The following TFAP2B variants were observed in gnomAD, a reference collection of about 807,000 sequenced individuals.
TFAP2B encodes the protein transcription factor AP-2-beta.
TFAP2B carries 9 observed loss-of-function variants against 44.3 expected under a neutral mutation model. That is an observed-to-expected ratio of 0.20 (90% confidence interval 0.12 to 0.35). The LOEUF (loss-of-function observed/expected upper bound fraction) is 0.35, where lower values mean the gene tolerates loss of function less well. Ranked by LOEUF, TFAP2B falls within the 10% of genes least tolerant of loss-of-function variation. TFAP2B has a pLI of 1.00. For missense variants in TFAP2B, 509 were observed against 600.0 expected (o/e 0.85, Z 1.59); for synonymous variants, 270 against 263.8 (o/e 1.02, Z -0.23).
intron 3 of TFAP2B, 52 bp from the exon 4 acceptor site, chr6:50,836,009 C>A: frequency 7.2e-7 from 1 of 1,394,024 alleles, no homozygotes; most frequent in South Asian, 1.2e-5. Flanking sequence ...ATCAGCCGGT[C>A]ATCAGGATCG....
chr6:50,818,676 T>C, upstream of TFAP2B: 2 of 570,380 alleles, frequency 3.5e-6, no homozygotes, highest in Admixed American at 3.0e-5. Context: ...ATTTTTATAG[T>C]ATATATGTCT....
At chr6:50,819,101 T>C in intron 1 of TFAP2B, 129 bp downstream of exon 1, 2 of 952,008 alleles carry the variant, frequency 2.1e-6, no homozygotes, top group Non-Finnish European at 3.3e-6. Flanking sequence ...TCAGCTTTTT[T>C]TAACTTTTAG....
intron 2 of TFAP2B, among the ~76,000 whole-genome samples, chr6:50,827,957 C>T (rs1191426375): frequency 6.6e-6 from 1 of 152,118 alleles, no homozygotes; most frequent in Non-Finnish European, 1.5e-5. Context: ...GTAGTTACTG[C>T]CTTCCTAACA....
chr6:50,843,131 C>A lies in TFAP2B; in HGVS notation c.1122C>A (p.Asp374Glu). 1 of 1,614,230 alleles carries A rather than the reference C, an allele frequency of 6.2e-7. No homozygotes were observed. Among genetic ancestry groups the A allele is most frequent in the Non-Finnish European group, 8.5e-7 (1 of 1,180,044 alleles). Reference sequence around the variant, plus strand: ...AATTTACGGATCTACTGGCGCAGGACCGGACACCGATAGGGAACAGCCGAC... The same window carrying A: ...AATTTACGGATCTACTGGCGCAGGAACGGACACCGATAGGGAACAGCCGAC... ...CKEFTDLLAQ[D>E]RTPIGNSRPS... The change falls in exon 7 of 7, where the codon GAC becomes GAA. Residue 374 changes from aspartate to glutamate, a missense_variant. By Grantham distance (45) the Asp-to-Glu change is conservative. This residue lies in a region of TFAP2B where 168 missense variants were observed against 183.2 expected (regional missense o/e 0.92). Transcript: ENST00000393655.
chr6:50,827,035 C>G (rs1199998398), intron 2 of TFAP2B, among the ~76,000 whole-genome samples: 1 of 152,206 alleles, frequency 6.6e-6, no homozygotes, highest in Non-Finnish European at 1.5e-5. Flanking sequence ...GAAAATCAGA[C>G]AAGAGCCTTC....
intron 3 of TFAP2B, among the ~76,000 whole-genome samples, chr6:50,835,341 C>G: frequency 6.6e-6 from 1 of 152,198 alleles, no homozygotes. Context: ...AAATTCATGT[C>G]ACTGCAGAAT....
At chr6:50,824,956 T>C (rs1770462666) in intron 2 of TFAP2B, among the ~76,000 whole-genome samples, 1 of 152,230 alleles carries the variant, frequency 6.6e-6, no homozygotes, top group Non-Finnish European at 1.5e-5. Context: ...TTATTATGCA[T>C]CCTTTGACAT....
chr6:50,828,321 G>C (rs1030218197), intron 2 of TFAP2B, among the ~76,000 whole-genome samples: 1 of 152,102 alleles, frequency 6.6e-6, no homozygotes, highest in Non-Finnish European at 1.5e-5. Context: ...CAATTCATAA[G>C]AGCAAATAAT....
chr6:50,838,195 T>C, intron 5 of TFAP2B, 102 bp downstream of exon 5: 1 of 1,018,096 alleles, frequency 9.8e-7, no homozygotes, highest in Non-Finnish European at 1.6e-6. Flanking sequence ...TCGTTGTGAT[T>C]GTTGTGCTCT....
chr6:50,836,326 A>C (rs757955022), intron 4 of TFAP2B, 46 bp downstream of exon 4: 1 of 1,514,760 alleles, frequency 6.6e-7, no homozygotes, highest in South Asian at 1.1e-5. Context: ...AAAACAAACA[A>C]AAACCCACCA....
chr6:50,828,637 A>T lies in TFAP2B; in HGVS notation c.559A>T (p.Asn187Tyr). ...EDVQSVEDAN[N>Y]SGMNLLDQSV... is the part of the protein sequence containing the mutation. The stretch of plus-strand genomic sequence containing the variant: ...TTCACAGTCAGTTGAAGATGCCAAT[A>T]ACAGCGGCATGAATCTATTGGACCA... The change falls in exon 3 of 7, where the codon AAC becomes TAC. Residue 187 changes from asparagine (N) to tyrosine (Y), a missense_variant. By Grantham distance (143) the Asn-to-Tyr change is moderately radical. Coordinates refer to ENST00000393655, the MANE Select transcript of TFAP2B (RefSeq NM_003221.4). The T allele has an allele frequency of 1.2e-6, 2 of 1,614,068 alleles. No homozygotes were observed. The highest frequency in any genetic ancestry group is 2.2e-5 in the South Asian group (2 of 91,074).
At chr6:50,830,386 T>G (rs1770641283) in intron 3 of TFAP2B, 2 of 733,134 alleles carry the variant, frequency 2.7e-6, no homozygotes. Context: ...GTTTCAGAGC[T>G]TGTATATGTT....
intron 1 of TFAP2B, among the ~76,000 whole-genome samples, chr6:50,819,548 G>A (rs1196391303): frequency 5.3e-5 from 8 of 152,180 alleles, no homozygotes; most frequent in African/African-American, 1.9e-4. Flanking sequence ...CTGTTTTCTT[G>A]TGTTTTGCTT....
chr6:50,841,597 C>T (rs887588438), intron 6 of TFAP2B, among the ~76,000 whole-genome samples: 11 of 152,152 alleles, frequency 7.2e-5, no homozygotes, highest in Admixed American at 7.2e-4. Context: ...TTCTCTTAGG[C>T]CAGCACTTCT....
intron 1 of TFAP2B, among the ~76,000 whole-genome samples, chr6:50,821,212 A>G (rs915473741): frequency 6.6e-6 from 1 of 152,228 alleles, no homozygotes; most frequent in Non-Finnish European, 1.5e-5. Flanking sequence ...AAATTGAGGT[A>G]AAAATCGCAA....
chr6:50,836,380 C>A, intron 4 of TFAP2B, 100 bp downstream of exon 4: 1 of 1,069,274 alleles, frequency 9.4e-7, no homozygotes, highest in South Asian at 1.3e-5. Context: ...CAGCAAAACC[C>A]AATCTGCAGT....
At chr6:50,820,875 G>A (rs1173675630) in intron 1 of TFAP2B, among the ~76,000 whole-genome samples, 3 of 151,926 alleles carry the variant, frequency 2.0e-5, no homozygotes, top group Non-Finnish European at 2.9e-5. Context: ...AAAGGAGGGA[G>A]GGAGAGAGGA....
intron 2 of TFAP2B, among the ~76,000 whole-genome samples, chr6:50,826,872 A>G (rs1198736947): frequency 1.3e-5 from 2 of 152,186 alleles, no homozygotes; most frequent in African/African-American, 2.4e-5. Flanking sequence ...ACTTTTAACT[A>G]AAGAAGTCTA....
In TFAP2B at chr6:50,823,686, C is replaced by T. The variant is rs1403673906; in HGVS notation, c.361C>T (p.Leu121Phe). ...RQEVGSEAGS[L>F]LPQPRAALPQ... ...AGAAGTGGGTTCGGAAGCCGGCTCT[C>T]TCCTGCCCCAGCCTCGGGCCGCCTT... The change falls in exon 2 of 7, where the codon CTC (leucine) becomes TTC (phenylalanine). Residue 121 changes from leucine to phenylalanine, a missense_variant. Coordinates refer to ENST00000393655, the MANE Select transcript of TFAP2B (RefSeq NM_003221.4). 2 of 1,613,740 alleles carry T rather than the reference C, an allele frequency of 1.2e-6. No individual in the cohort carries two copies. The highest frequency in any genetic ancestry group is 1.7e-6 in the Non-Finnish European group (2 of 1,179,904).
Sources: gnomAD v4.1 joint callset for allele counts (sites outside exome capture counted in the v4.1 genomes callset) on GRCh38, gnomAD v4.1.1 for gene constraint, gnomAD v4.1.1 regional missense constraint, MANE v1.5 for transcripts, NCBI Gene and HGNC (gene_info 2026-07-23, HGNC 2026-07-21) for gene names.